BCAR3: variants seen among roughly 807,000 people sequenced by gnomAD.
BCAR3 encodes the protein BCAR3 adaptor protein, NSP family member, also known as breast cancer anti-estrogen resistance protein 3.
In BCAR3, 37 loss-of-function variants were observed where a neutral mutation model predicts 80.1. That is an observed-to-expected ratio of 0.46 (90% CI 0.36 to 0.61). The LOEUF is 0.61. Ranked by LOEUF, BCAR3 falls within the 20% of genes least tolerant of loss-of-function variation. The pLI is 0.00. For missense variants in BCAR3, 978 were observed against 1,068.2 expected, an observed-to-expected ratio of 0.92 and a Z score of 1.18; for synonymous variants, 389 against 418.9, an observed-to-expected ratio of 0.93 and a Z score of 0.87.
intron 5 of BCAR3, among the ~76,000 whole-genome samples, chr1:93,584,712 G>C (rs570978435): frequency 6.6e-6 from 1 of 152,190 alleles, no homozygotes. Flanking sequence ...AAAAGGCACC[G>C]GCACGGTCAC....
intron 2 of BCAR3, among the ~76,000 whole-genome samples, chr1:93,768,545 A>G (rs1405329532): frequency 6.6e-6 from 1 of 152,190 alleles, no homozygotes; most frequent in Admixed American, 6.5e-5. Flanking sequence ...GATGTGCTGA[A>G]TCTTGGTAAC....
intron 2 of BCAR3, among the ~76,000 whole-genome samples, chr1:93,800,765 AT>A (rs1653450859): frequency 6.6e-6 from 1 of 152,166 alleles, no homozygotes; most frequent in African/African-American, 2.4e-5. Context: ...TATGAGCACT[AT>A]AAAGTTCTAG....
At chr1:93,816,995 A>G (rs1010372856) in intron 2 of BCAR3, among the ~76,000 whole-genome samples, 1 of 152,202 alleles carries the variant, frequency 6.6e-6, no homozygotes, top group Non-Finnish European at 1.5e-5. Flanking sequence ...AAAAGTCATA[A>G]TAATAGAACT....
chr1:93,737,245 G>T (rs939034815), intron 2 of BCAR3, among the ~76,000 whole-genome samples: 1 of 152,198 alleles, frequency 6.6e-6, no homozygotes, highest in African/African-American at 2.4e-5. Flanking sequence ...GGGTTGAATG[G>T]TGTCCCCCAA....
intron 2 of BCAR3, among the ~76,000 whole-genome samples, chr1:93,744,807 T>C (rs1443645354): frequency 6.6e-6 from 1 of 152,218 alleles, no homozygotes; most frequent in Non-Finnish European, 1.5e-5. Context: ...GTTTCATGTC[T>C]TCCCCACGAG....
At chr1:93,817,237 T>C in intron 2 of BCAR3, among the ~76,000 whole-genome samples, 1 of 152,136 alleles carries the variant, frequency 6.6e-6, no homozygotes, top group East Asian at 1.9e-4. Context: ...AGGGAAGAAA[T>C]GGGCCACTGG....
At chr1:93,744,855 G>C (rs1458027990) in intron 2 of BCAR3, among the ~76,000 whole-genome samples, 1 of 152,222 alleles carries the variant, frequency 6.6e-6, no homozygotes, top group Non-Finnish European at 1.5e-5. Context: ...TGGTGTCTGA[G>C]AGAAGAAAGA....
At chr1:93,656,663 G>A (rs1174356869) in intron 2 of BCAR3, among the ~76,000 whole-genome samples, 1 of 147,220 alleles carries the variant, frequency 6.8e-6, no homozygotes, top group African/African-American at 2.5e-5. Flanking sequence ...AAAGTACAGT[G>A]CACAGTCATA....
At chr1:93,662,675 T>C (rs1008568983) in intron 2 of BCAR3, among the ~76,000 whole-genome samples, 2 of 152,174 alleles carry the variant, frequency 1.3e-5, no homozygotes, top group Non-Finnish European at 2.9e-5. Context: ...CTGATTTGCA[T>C]GCATGCCTTC....
intron 2 of BCAR3, among the ~76,000 whole-genome samples, chr1:93,801,537 T>G (rs1653479703): frequency 6.6e-6 from 1 of 152,264 alleles, no homozygotes; most frequent in Non-Finnish European, 1.5e-5. Context: ...ACGATCTTGT[T>G]TGGTTTTTGT....
At chr1:93,838,420 T>A (rs547019465) in intron 2 of BCAR3, among the ~76,000 whole-genome samples, 1 of 152,176 alleles carries the variant, frequency 6.6e-6, no homozygotes, top group Non-Finnish European at 1.5e-5. Flanking sequence ...TGTACTACTA[T>A]GAGAGTAGCA....
intron 2 of BCAR3, among the ~76,000 whole-genome samples, chr1:93,718,941 A>G (rs1333484434): frequency 1.3e-5 from 2 of 151,502 alleles, no homozygotes; most frequent in Non-Finnish European, 2.9e-5. Flanking sequence ...AACTCAAGCA[A>G]TCCGCCCGCC....
chr1:93,584,255 T>TA (rs1306027214), intron 5 of BCAR3, 134 bp from the exon 6 acceptor site: 2 of 725,254 alleles, frequency 2.8e-6, no homozygotes, highest in East Asian at 5.4e-5. Flanking sequence ...CAGCATACCC[T>TA]AAAAGTAAAG....
At chr1:93,642,632 T>C (rs956542831) in intron 2 of BCAR3, among the ~76,000 whole-genome samples, 6 of 152,144 alleles carry the variant, frequency 3.9e-5, no homozygotes, top group African/African-American at 9.7e-5. Flanking sequence ...GTCTGAAGCA[T>C]AGAGCTCAGG....
At chr1:93,576,754 T>G (rs1050640496) in intron 7 of BCAR3, among the ~76,000 whole-genome samples, 5 of 152,244 alleles carry the variant, frequency 3.3e-5, no homozygotes, top group African/African-American at 1.2e-4. Flanking sequence ...CCCAGACAGC[T>G]CTCAACCCAT....
intron 1 of BCAR3, among the ~76,000 whole-genome samples, chr1:93,678,226 TAGTG>T (rs1288174164): frequency 6.6e-6 from 1 of 152,186 alleles, no homozygotes; most frequent in Non-Finnish European, 1.5e-5. Context: ...ACCACTGGAT[TAGTG>T]AGTCTTTTTG....
At chr1:93,613,955 C>G in intron 3 of BCAR3, 1 of 1,549,982 alleles carries the variant, frequency 6.5e-7, no homozygotes, top group Non-Finnish European at 8.7e-7. Context: ...TCCCGGGGAC[C>G]ACACACTTTC....
intron 2 of BCAR3, among the ~76,000 whole-genome samples, chr1:93,790,634 A>ATTTTTTTTTTTTTTTATTT (rs67196746): frequency 9.3e-6 from 1 of 107,426 alleles, no homozygotes; most frequent in South Asian, 2.9e-4. Flanking sequence ...TTTTGTATTC[A>ATTTTTTTTTTTTTTTATTT]TTTTTTTTTT....
intron 2 of BCAR3, among the ~76,000 whole-genome samples, chr1:93,808,031 C>CT (rs139710095): frequency 0.053 from 7,189 of 136,464 alleles, 205 homozygotes; most frequent in South Asian, 0.062. Flanking sequence ...AAGCAAAACT[C>CT]TTTTTTTTTT....
Sources: gnomAD v4.1 joint callset for allele counts (sites outside exome capture counted in the v4.1 genomes callset) on GRCh38, gnomAD v4.1.1 for gene constraint, MANE v1.5 for transcripts, NCBI Gene and HGNC (gene_info 2026-07-23, HGNC 2026-07-21) for gene names.